TMEM116: variants seen among roughly 807,000 people sequenced by gnomAD.
TMEM116 encodes transmembrane protein 116.
In TMEM116, 38 loss-of-function variants were observed where a neutral mutation model predicts 44.3. The ratio of observed to expected loss-of-function variants is 0.86; its 90% CI spans 0.66 to 1.12. The LOEUF (loss-of-function observed/expected upper bound fraction) is 1.12. Among genes scored for constraint, TMEM116 ranks in the 50% most tolerant of loss-of-function variants. TMEM116 has a pLI of 0.00. For missense variants in TMEM116, 354 were observed against 401.7 expected, an observed-to-expected ratio of 0.88 and a Z score of 1.01; for synonymous variants, 132 against 144.8, an observed-to-expected ratio of 0.91 and a Z score of 0.64.
chr12:112,007,529 C>T (rs887623916), intron 1 of TMEM116, among the ~76,000 whole-genome samples: 20 of 152,184 alleles, frequency 1.3e-4, no homozygotes, highest in Admixed American at 1.3e-4. Flanking sequence ...GTTCTAATCA[C>T]TTTGCTTAAA....
At chr12:111,963,063 C>A (rs1593415436) in intron 4 of TMEM116, among the ~76,000 whole-genome samples, 1 of 152,146 alleles carries the variant, frequency 6.6e-6, no homozygotes, top group South Asian at 2.1e-4. Flanking sequence ...TGAAAAAAAG[C>A]TCATCATCAC....
At chr12:111,933,796 T>A in intron 9 of TMEM116, 90 bp downstream of exon 9, 1 of 1,527,898 alleles carries the variant, frequency 6.5e-7, no homozygotes, top group Non-Finnish European at 8.9e-7. Flanking sequence ...GTGCCCGACC[T>A]CAGCCATCCT....
chr12:111,972,343 G>GCAA (rs1024089104), intron 4 of TMEM116, among the ~76,000 whole-genome samples: 2 of 151,926 alleles, frequency 1.3e-5, no homozygotes, highest in South Asian at 2.1e-4. Flanking sequence ...AATACATGAA[G>GCAA]CAAAATAGAA....
rs142231487 is a variant in TMEM116 at position 111,994,907 on chromosome 12, C to T, written c.79-3018G>A. ...ACCCTATCTTATCCATATGAACAAG[C>T]GCCCCTCATGTGTCTATTTATAGGC... On this transcript the variant is annotated intron_variant, in intron 3 of 10. Coordinates refer to ENST00000552374, the MANE Select transcript of TMEM116 (RefSeq NM_001193531.2). Among the ~76,000 whole-genome samples, 1,320 of 152,216 alleles carry T rather than the reference C, an allele frequency of 8.7e-3. 16 individuals carry two copies. The highest frequency in any genetic ancestry group is 0.03 in the African/African-American group (1,250 of 41,528).
At position 111,989,123 on chromosome 12, in the gene TMEM116, A is replaced by C. The variant is rs534043090; in HGVS notation, c.210+2635T>G. 9.1e-4 allele frequency among the ~76,000 whole-genome samples: 139 copies of C among 152,344 alleles called. 1 individual carries two copies. Among genetic ancestry groups the C allele is most frequent in the African/African-American group, 3.2e-3 (135 of 41,594 alleles). ...AAAACAACCACTTGAAGACTCTGAAAAGTAAACAAAAACTGGTAGATTGTG... is the reference window on the plus strand; with the variant it reads ...AAAACAACCACTTGAAGACTCTGAACAGTAAACAAAAACTGGTAGATTGTG... On this transcript the variant is annotated intron_variant, in intron 4 of 10. Coordinates refer to ENST00000552374, the MANE Select transcript of TMEM116 (RefSeq NM_001193531.2).
chr12:111,991,702 T>C (rs2076611257), intron 4 of TMEM116, 56 bp downstream of exon 4: 3 of 1,506,864 alleles, frequency 2.0e-6, no homozygotes, highest in Non-Finnish European at 2.7e-6. Flanking sequence ...TTTGTTTCTA[T>C]CTAGATCTGA....
At chr12:111,968,992 CAAA>C (rs1176204219) in intron 4 of TMEM116, among the ~76,000 whole-genome samples, 2 of 45,156 alleles carry the variant, frequency 4.4e-5, no homozygotes, top group Non-Finnish European at 4.5e-5. Context: ...GACTCTATCT[CAAA>C]AAAAAAAAAA....
intron 4 of TMEM116, among the ~76,000 whole-genome samples, chr12:111,979,502 G>T (rs1353635111): frequency 6.6e-6 from 1 of 152,028 alleles, no homozygotes; most frequent in South Asian, 2.1e-4. Context: ...ATGGGTACAG[G>T]GTTTCCTTTT....
intron 4 of TMEM116, among the ~76,000 whole-genome samples, chr12:111,947,442 T>C (rs1368092664): frequency 2.0e-5 from 3 of 152,182 alleles, no homozygotes; most frequent in Non-Finnish European, 4.4e-5. Context: ...TGTCAAATTA[T>C]ATGGAAAACA....
intron 3 of TMEM116, among the ~76,000 whole-genome samples, chr12:111,999,585 C>T (rs1403416730): frequency 6.6e-6 from 1 of 150,932 alleles, no homozygotes; most frequent in Non-Finnish European, 1.5e-5. Context: ...GGCTACAGAG[C>T]GAGACTCCAT....
chr12:111,993,172 C>A (rs1461398056), intron 3 of TMEM116: 1 of 300,950 alleles, frequency 3.3e-6, no homozygotes, highest in Non-Finnish European at 6.9e-6. Flanking sequence ...TTTGACTCCA[C>A]GAAGTATTAT....
chr12:112,000,895 T>C (rs970685006), intron 3 of TMEM116: 3 of 422,178 alleles, frequency 7.1e-6, no homozygotes, highest in Non-Finnish European at 1.4e-5. Context: ...CTCCAGCCAA[T>C]GTTCTTGAGG....
At chr12:111,979,045 A>C (rs1217818539) in intron 4 of TMEM116, among the ~76,000 whole-genome samples, 2 of 152,216 alleles carry the variant, frequency 1.3e-5, no homozygotes, top group Admixed American at 1.3e-4. Flanking sequence ...TAAAACACAA[A>C]AGTTCTATAA....
At chr12:111,988,456 G>A (rs770016144) in intron 4 of TMEM116, among the ~76,000 whole-genome samples, 2 of 151,868 alleles carry the variant, frequency 1.3e-5, no homozygotes, top group African/African-American at 4.8e-5. Flanking sequence ...CACTTTGGGA[G>A]GGTGAGGCGG....
intron 1 of TMEM116, among the ~76,000 whole-genome samples, chr12:112,009,966 G>T (rs563550103): frequency 2.0e-5 from 3 of 152,220 alleles, no homozygotes; most frequent in African/African-American, 7.2e-5. Flanking sequence ...AATAATTTTA[G>T]AAGTTTAAAT....
At chr12:111,940,559 A>ATG (rs2072718289) in intron 5 of TMEM116, among the ~76,000 whole-genome samples, 1 of 126,146 alleles carries the variant, frequency 7.9e-6, no homozygotes, top group Admixed American at 8.4e-5. Flanking sequence ...ACACACATAT[A>ATG]TATGTGTGTA....
intron 4 of TMEM116, among the ~76,000 whole-genome samples, chr12:111,980,041 T>C (rs922105953): frequency 2.6e-5 from 4 of 152,186 alleles, no homozygotes; most frequent in African/African-American, 9.7e-5. Context: ...AAGCCAAACA[T>C]AGGCTTACTA....
At chr12:112,000,590 G>C (rs1183494677) in intron 3 of TMEM116, 1 of 305,506 alleles carries the variant, frequency 3.3e-6, no homozygotes. Flanking sequence ...GCAGTGGCCC[G>C]ATCTTGGCTT....
intron 4 of TMEM116, among the ~76,000 whole-genome samples, chr12:111,948,695 A>G (rs1241430320): frequency 6.6e-6 from 1 of 152,214 alleles, no homozygotes; most frequent in African/African-American, 2.4e-5. Context: ...TAAAACAAAT[A>G]TACTCATGCA....
Sources: gnomAD v4.1 joint callset for allele counts (sites outside exome capture counted in the v4.1 genomes callset) on GRCh38, gnomAD v4.1.1 for gene constraint, MANE v1.5 for transcripts, NCBI Gene and HGNC (gene_info 2026-07-23, HGNC 2026-07-21) for gene names.